The following ADORA1 variants were observed in gnomAD, a reference collection of about 807,000 sequenced individuals.
The protein encoded by ADORA1 is adenosine receptor A1.
Under a neutral mutation model 19.9 loss-of-function variants are expected in ADORA1, and 6 were observed. The observed-to-expected ratio is 0.30, with a 90% confidence interval of 0.17 to 0.59. The LOEUF is 0.59. Among genes scored for constraint, ADORA1 ranks in the 20% least tolerant of loss-of-function variants. ADORA1 has a pLI of 0.87. For missense variants in ADORA1, 302 were observed against 439.2 expected (o/e 0.69, Z 2.79); for synonymous variants, 194 against 188.4 (o/e 1.03, Z -0.24).
chr1:203,162,843 G>A (rs1655413256), intron 3 of ADORA1, among the ~76,000 whole-genome samples: 1 of 152,192 alleles, frequency 6.6e-6, no homozygotes, highest in African/African-American at 2.4e-5. Flanking sequence ...GATAAATGTG[G>A]TATAAATGGC....
chr1:203,143,224 T>C (rs1269949321), intron 3 of ADORA1, among the ~76,000 whole-genome samples: 1 of 152,194 alleles, frequency 6.6e-6, no homozygotes, highest in Non-Finnish European at 1.5e-5. Context: ...GATGAGGGCC[T>C]CCTTGCTGCG....
Position 203,151,710 on chromosome 1 carries a change from C to T in ADORA1, c.342-13551C>T, listed in dbSNP as rs1655040881. On this transcript the variant is annotated intron_variant, in intron 3 of 3. Transcript: ENST00000337894. ...CCAAGGCTCAAGGAATTGTTACTTGCTCCAGGCCACAAGCTGTTAATGGTG... is the reference window on the plus strand; with the variant it reads ...CCAAGGCTCAAGGAATTGTTACTTGTTCCAGGCCACAAGCTGTTAATGGTG... 3.3e-5 allele frequency among the ~76,000 whole-genome samples: 5 copies of T among 152,312 alleles called. No individual in the cohort carries two copies. In the South Asian group the frequency reaches 1.0e-3, roughly 32 times the overall value.
intron 3 of ADORA1, among the ~76,000 whole-genome samples, chr1:203,133,316 T>C (rs1001011039): frequency 6.6e-6 from 1 of 152,178 alleles, no homozygotes; most frequent in Non-Finnish European, 1.5e-5. Context: ...GGTTTCACCA[T>C]GTTGGCCAGG....
At chr1:203,144,289 G>A (rs1654793995) in intron 3 of ADORA1, among the ~76,000 whole-genome samples, 1 of 152,174 alleles carries the variant, frequency 6.6e-6, no homozygotes, top group Non-Finnish European at 1.5e-5. Flanking sequence ...CAATTTGAAA[G>A]TGGGGTCCAA....
intron 3 of ADORA1, among the ~76,000 whole-genome samples, chr1:203,156,023 A>G (rs2102760348): frequency 6.6e-6 from 1 of 152,320 alleles, no homozygotes; most frequent in Middle Eastern, 3.4e-3. Context: ...ATCATTTCTG[A>G]ATAAGTGGAT....
rs956044477 is a variant in ADORA1, at chr1:203,150,534, G to T, written c.342-14727G>T. 9.4e-5 allele frequency: 109 copies of T among 1,164,100 alleles called. 1 individual carries two copies. In the African/African-American group the frequency reaches 1.6e-3, roughly 17 times the overall value. The allele number at this position is 1,164,100 out of a possible 1,614,324, so 72.1% of individuals were successfully genotyped here. ...CAATGGAAAACTGCTGGGTCCTGGG[G>T]TCCTTCCTGCTGTTATTTGGGCTCT... On this transcript the variant is annotated intron_variant, in intron 3 of 3. Coordinates refer to ENST00000337894, the MANE Select transcript of ADORA1 (RefSeq NM_000674.3).
chr1:203,138,296 T>C (rs914608749), intron 3 of ADORA1, among the ~76,000 whole-genome samples: 13 of 152,144 alleles, frequency 8.5e-5, no homozygotes, highest in African/African-American at 2.4e-5. Flanking sequence ...TGGTTGGATA[T>C]ACAAGAATGA....
At chr1:203,155,171 A>G (rs1456555545) in intron 3 of ADORA1, among the ~76,000 whole-genome samples, 1 of 151,944 alleles carries the variant, frequency 6.6e-6, no homozygotes, top group Non-Finnish European at 1.5e-5. Context: ...CCTCCTGAGT[A>G]GCTGGGACTA....
intron 3 of ADORA1, among the ~76,000 whole-genome samples, chr1:203,140,990 C>T (rs1654666035): frequency 6.6e-6 from 1 of 152,254 alleles, no homozygotes; most frequent in African/African-American, 2.4e-5. Context: ...TTAACTCGTG[C>T]ACAGTGGTTC....
At chr1:203,145,661 G>A (rs966487268) in intron 3 of ADORA1, among the ~76,000 whole-genome samples, 10 of 152,236 alleles carry the variant, frequency 6.6e-5, no homozygotes, top group African/African-American at 2.4e-4. Context: ...CTCTGAGCCT[G>A]GGCTTCTACC....
chr1:203,165,693 C>T lies in ADORA1; in HGVS notation c.774C>T (p.Leu258=). 4 of 1,611,428 alleles carry T rather than the reference C, an allele frequency of 2.5e-6. No individual in the cohort carries two copies. Among genetic ancestry groups the T allele is most frequent in the East Asian group, 4.5e-5 (2 of 44,836 alleles). ...TGCACATCCTCAACTGCATCACCCTCTTCTGCCCGTCCTGCCACAAGCCCA... is the reference window on the plus strand; with the variant it reads ...TGCACATCCTCAACTGCATCACCCTTTTCTGCCCGTCCTGCCACAAGCCCA... The part of the protein sequence containing the change: ...LPLHILNCIT[L]FCPSCHKPSI... The change falls in exon 4 of 4, where the codon CTC becomes CTT. Residue 258 remains leucine (L), a synonymous_variant. Coordinates refer to ENST00000337894, the MANE Select transcript of ADORA1 (RefSeq NM_000674.3). This position sits in a 1 kb window ranked among gnomAD's most constrained non-coding sequence, Gnocchi z 5.9.
At chr1:203,150,742 T>A (rs1655004729) in intron 3 of ADORA1, 6 of 1,289,456 alleles carry the variant, frequency 4.7e-6, no homozygotes, top group Middle Eastern at 2.1e-4. Flanking sequence ...CGGAGCTGAG[T>A]GTGGGGGTGG....
At chr1:203,152,000 T>C (rs1288685057) in intron 3 of ADORA1, among the ~76,000 whole-genome samples, 1 of 152,162 alleles carries the variant, frequency 6.6e-6, no homozygotes, top group African/African-American at 2.4e-5. Context: ...CCGTGTTCAG[T>C]GCCCCTCCCT....
In ADORA1 at chr1:203,165,065, C is replaced by T; in HGVS notation, c.342-196C>T. The T allele has an allele frequency of 6.4e-7, 1 of 1,550,530 alleles. No homozygotes were observed. The highest frequency in any genetic ancestry group is 2.4e-5 in the East Asian group (1 of 40,922). On this transcript the variant is annotated intron_variant, in intron 3 of 3. Coordinates refer to ENST00000337894, the MANE Select transcript of ADORA1 (RefSeq NM_000674.3). This position sits in a 1 kb window ranked among gnomAD's most constrained non-coding sequence, Gnocchi z 5.9. ...TTTCCTCTCTCTGTAGGAGAATAAG[C>T]CAATGCATGGCAAGCACTAAATCTT...
intron 3 of ADORA1, among the ~76,000 whole-genome samples, chr1:203,148,112 G>A (rs916646928): frequency 6.6e-6 from 1 of 152,132 alleles, no homozygotes; most frequent in Non-Finnish European, 1.5e-5. Context: ...CCAGCTACTC[G>A]GGAGGCTGAG....
At chr1:203,139,040 A>G (rs1193197747) in intron 3 of ADORA1, among the ~76,000 whole-genome samples, 33 of 152,156 alleles carry the variant, frequency 2.2e-4, no homozygotes, top group Admixed American at 2.2e-3. Context: ...CCTGGTCTCA[A>G]ACTCCTGACC....
chr1:203,163,577 G>A (rs1170029061), intron 3 of ADORA1, among the ~76,000 whole-genome samples: 1 of 152,188 alleles, frequency 6.6e-6, no homozygotes, highest in Non-Finnish European at 1.5e-5. Flanking sequence ...CTGCTCCAAA[G>A]GTGTTGGAGT....
Position 203,128,763 on chromosome 1 carries a change from C to A in ADORA1, c.-57-22C>A, listed in dbSNP as rs1309084726. 2 of 1,520,018 alleles carry A rather than the reference C, an allele frequency of 1.3e-6. No individual in the cohort carries two copies. Among genetic ancestry groups the A allele is most frequent in the Non-Finnish European group, 1.8e-6 (2 of 1,140,552 alleles). The allele number at this position is 1,520,018 out of a possible 1,614,324, so 94.2% of individuals were successfully genotyped here. On this transcript the variant is annotated intron_variant, in intron 2 of 3. Transcript: ENST00000337894. The surrounding 1 kb of genome is among the most constrained non-coding windows in gnomAD (Gnocchi z 5.9). The stretch of plus-strand genomic sequence containing the variant: ...CCCCTCCCAGACGGGTCTCCCCATC[C>A]CAGGCTTCCCTGACCACACAGGTGC...
chr1:203,140,844 T>A (rs571337413), intron 3 of ADORA1, among the ~76,000 whole-genome samples: 6 of 152,286 alleles, frequency 3.9e-5, no homozygotes, highest in Non-Finnish European at 8.8e-5. Context: ...TCTGGGACAT[T>A]AAGGCCTCTT....
Sources: gnomAD v4.1 joint callset for allele counts (sites outside exome capture counted in the v4.1 genomes callset) on GRCh38, gnomAD v4.1.1 for gene constraint, Gnocchi (gnomAD v3.1) non-coding constraint, MANE v1.5 for transcripts, NCBI Gene and HGNC (gene_info 2026-07-23, HGNC 2026-07-21) for gene names.